Variants in SMPD4 observed in about 807,000 individuals in gnomAD.
The protein encoded by SMPD4 is neutral sphingomyelinase 3.
A neutral mutation model predicts 97.8 loss-of-function variants in SMPD4; 58 were observed. The ratio of observed to expected loss-of-function variants is 0.59; its 90% CI spans 0.48 to 0.74. The LOEUF is 0.74. SMPD4 is among the 30% of genes least tolerant of loss of function. The pLI, the probability that SMPD4 is intolerant of heterozygous loss-of-function variation, is 0.00. For missense variants in SMPD4, 853 were observed against 1,080.5 expected (o/e 0.79, Z 2.95); for synonymous variants, 388 against 450.0 (o/e 0.86, Z 1.74).
intron 8 of SMPD4, among the ~76,000 whole-genome samples, chr2:130,168,894 A>C (rs1688179402): frequency 6.6e-6 from 1 of 151,230 alleles, no homozygotes; most frequent in Non-Finnish European, 1.5e-5. Flanking sequence ...GTTATTTTTA[A>C]ATTTTTGGTA....
In SMPD4 at chr2:130,167,597, G is replaced by T; in HGVS notation, c.660-7C>A. On this transcript the variant is annotated splice_polypyrimidine_tract_variant and splice_region_variant and intron_variant, in intron 8 of 19. Coordinates refer to ENST00000680298, the MANE Select transcript of SMPD4 (RefSeq NM_017951.5). ...AAAGGGTATGGCTGGTGTCCTGAGGGAGACACAGAAACAGGCCCGAGTTAC... is the reference window on the plus strand; with the variant it reads ...AAAGGGTATGGCTGGTGTCCTGAGGTAGACACAGAAACAGGCCCGAGTTAC... 1 of 1,594,376 alleles carries T rather than the reference G, an allele frequency of 6.3e-7. No homozygotes were observed. The highest frequency in any genetic ancestry group is 8.6e-7 in the Non-Finnish European group (1 of 1,167,164).
At chr2:130,177,694 C>CA (rs747902500) in intron 1 of SMPD4, among the ~76,000 whole-genome samples, 3,315 of 108,116 alleles carry the variant, frequency 0.031, 68 homozygotes, top group African/African-American at 0.08. Context: ...GACTCCATCT[C>CA]AAAAAAAAAA....
intron 8 of SMPD4, among the ~76,000 whole-genome samples, chr2:130,168,315 T>C (rs772737935): frequency 6.6e-5 from 10 of 152,050 alleles, no homozygotes; most frequent in Non-Finnish European, 1.5e-4. Context: ...TCCCAGATAC[T>C]TGGGGGGTTG....
intron 15 of SMPD4, chr2:130,154,892 G>A (rs1686619861): frequency 1.4e-6 from 1 of 706,606 alleles, no homozygotes; most frequent in East Asian, 2.7e-5. Context: ...CCCACCCAGT[G>A]CCTGGTGGCT....
intron 8 of SMPD4, among the ~76,000 whole-genome samples, chr2:130,170,404 G>A (rs571579910): frequency 7.3e-6 from 1 of 136,096 alleles, no homozygotes; most frequent in Admixed American, 8.3e-5. Flanking sequence ...AGAATCACTT[G>A]AAGCAGAGAC....
At chr2:130,176,315 G>A (rs1688972221) in intron 2 of SMPD4, among the ~76,000 whole-genome samples, 1 of 152,194 alleles carries the variant, frequency 6.6e-6, no homozygotes, top group Admixed American at 6.5e-5. Context: ...TTGGGAAGTA[G>A]AGAAAATAGA....
intron 17 of SMPD4, 112 bp downstream of exon 17, chr2:130,153,590 G>A: frequency 1.3e-6 from 2 of 1,552,866 alleles, no homozygotes; most frequent in Non-Finnish European, 1.7e-6. Context: ...ACAACACTGG[G>A]TCCATATGTG....
rs1686644654 is a variant in SMPD4, at chr2:130,155,078, C to G, written c.1453+18G>C. The G allele has an allele frequency of 6.2e-7, 1 of 1,613,438 alleles. No individual in the cohort carries two copies. Among genetic ancestry groups the G allele is most frequent in the Non-Finnish European group, 8.5e-7 (1 of 1,179,784 alleles). ...GCTGGGTTGACGTATACCGGGCTGG[C>G]CCAGGCTGAGGACTTACCTTTCTGA... On this transcript the variant is annotated intron_variant, in intron 15 of 19. Coordinates refer to ENST00000680298, the MANE Select transcript of SMPD4 (RefSeq NM_017951.5).
intron 8 of SMPD4, among the ~76,000 whole-genome samples, chr2:130,171,425 A>G (rs1265988954): frequency 1.3e-5 from 2 of 152,152 alleles, no homozygotes; most frequent in Non-Finnish European, 2.9e-5. Context: ...TTCTAATAGA[A>G]AAAATTAAAA....
At chr2:130,181,685 C>T, upstream of SMPD4, 2 of 1,548,340 alleles carry the variant, frequency 1.3e-6, no homozygotes, top group Non-Finnish European at 1.7e-6. Context: ...AAGGCGCGTG[C>T]GCAAAGCGAA....
chr2:130,162,710 A>T (rs1332374993), intron 10 of SMPD4, among the ~76,000 whole-genome samples: 1 of 152,218 alleles, frequency 6.6e-6, no homozygotes, highest in Non-Finnish European at 1.5e-5. Context: ...GCATGGCAGT[A>T]CGTGTAGCAC....
In SMPD4 at chr2:130,155,102, G is replaced by C; in HGVS notation, c.1447C>G (p.Gln483Glu). 1.2e-6 allele frequency: 2 copies of C among 1,614,142 alleles called. No homozygotes were observed. Among genetic ancestry groups the C allele is most frequent in the South Asian group, 1.1e-5 (1 of 91,086 alleles). Residue 483 changes from glutamine (Q) to glutamate (E), a missense_variant, in exon 15 of 20, where the codon CAG (glutamine) becomes GAG (glutamate). Transcript: ENST00000680298. ...FAQPNLAEMI[Q>E]KGEQLFLEPE... ...GCCCAGGCTGAGGACTTACCTTTCT[G>C]AATCATCTCAGCCAGGTTGGGCTGG...
At position 130,155,145 on chromosome 2, in the gene SMPD4, T is replaced by G; in HGVS notation, c.1404A>C (p.Arg468=). The change falls in exon 15 of 20, where the codon CGA becomes CGC. Residue 468 remains arginine (R), a synonymous_variant. Coordinates refer to ENST00000680298, the MANE Select transcript of SMPD4 (RefSeq NM_017951.5). The part of the protein sequence containing the change: ...VSPKHALMVF[R]VAKVFAQPNL... ...TGGGCTGGGCAAAGACTTTGGCCAC[T>G]CGGAACACCATGAGCGCGTGCTTGG... 6.2e-7 allele frequency: 1 copy of G among 1,614,172 alleles called. No homozygotes were observed. The highest frequency in any genetic ancestry group is 8.5e-7 in the Non-Finnish European group (1 of 1,180,034).
intron 10 of SMPD4, among the ~76,000 whole-genome samples, chr2:130,163,387 G>C (rs1687616869): frequency 6.6e-6 from 1 of 152,238 alleles, no homozygotes; most frequent in Non-Finnish European, 1.5e-5. Context: ...TGCTCTGAGA[G>C]AGCCTCCACA....
At chr2:130,166,234 G>C (rs1280902819) in intron 9 of SMPD4, among the ~76,000 whole-genome samples, 1 of 144,778 alleles carries the variant, frequency 6.9e-6, no homozygotes, top group Admixed American at 7.3e-5. Context: ...ACCTGAACCT[G>C]AGAGGTGAAG....
At chr2:130,169,200 C>CG (rs941615022) in intron 8 of SMPD4, among the ~76,000 whole-genome samples, 5 of 152,266 alleles carry the variant, frequency 3.3e-5, no homozygotes, top group African/African-American at 1.2e-4. Flanking sequence ...GCCTAAGGGG[C>CG]GGCCGCATGC....
At chr2:130,177,146 T>A (rs1211698935) in intron 1 of SMPD4, among the ~76,000 whole-genome samples, 1 of 152,204 alleles carries the variant, frequency 6.6e-6, no homozygotes, top group African/African-American at 2.4e-5. Context: ...AGTGGTGCGA[T>A]CATAGCTCAT....
Position 130,181,589 on chromosome 2 carries a change from C to G in SMPD4, c.-105G>C, listed in dbSNP as rs749286219. 3 of 1,604,006 alleles carry G rather than the reference C, an allele frequency of 1.9e-6. No homozygotes were observed. Among genetic ancestry groups the G allele is most frequent in the African/African-American group, 1.3e-5 (1 of 74,826 alleles). ...GGAAGCCGCCATTCCGCCACGGCGC[C>G]GAAAGTCGTCATCAAGCTGCGCGCA... is the stretch of plus-strand genomic sequence containing the variant. On this transcript the variant is annotated 5_prime_UTR_variant, in exon 1 of 20. Coordinates refer to ENST00000680298, the MANE Select transcript of SMPD4 (RefSeq NM_017951.5).
intron 9 of SMPD4, among the ~76,000 whole-genome samples, chr2:130,166,930 C>T (rs866165073): frequency 2.6e-5 from 4 of 152,358 alleles, no homozygotes; most frequent in Middle Eastern, 3.4e-3. Flanking sequence ...GAAACAACTT[C>T]CATGGACAGG....
Sources: gnomAD v4.1 joint callset for allele counts (sites outside exome capture counted in the v4.1 genomes callset) on GRCh38, gnomAD v4.1.1 for gene constraint, MANE v1.5 for transcripts, NCBI Gene and HGNC (gene_info 2026-07-23, HGNC 2026-07-21) for gene names.